DLC1: variants seen among roughly 807,000 people sequenced by gnomAD.
DLC1 encodes the protein rho GTPase-activating protein 7.
DLC1 carries 54 observed loss-of-function variants against 140.3 expected under a neutral mutation model. That is an observed-to-expected ratio of 0.38 (90% CI 0.31 to 0.48). The LOEUF (loss-of-function observed/expected upper bound fraction) is 0.48. Among genes scored for constraint, DLC1 ranks in the 20% least tolerant of loss-of-function variants. The probability of loss-of-function intolerance (pLI) is 0.96; values close to 1 mark genes in which losing one functional copy is unlikely to be tolerated. For synonymous variants in DLC1, 986 were observed against 728.1 expected, an observed-to-expected ratio of 1.35 and a Z score of -5.70; for missense variants, 2,536 against 1,907.0, an observed-to-expected ratio of 1.33 and a Z score of -6.14.
At chr8:13,427,947 T>C (rs535722507) in intron 2 of DLC1, among the ~76,000 whole-genome samples, 20 of 152,214 alleles carry the variant, frequency 1.3e-4, no homozygotes, top group Non-Finnish European at 2.4e-4. Flanking sequence ...CTCTGACTGC[T>C]TGACCATCTG....
rs578249735 is a variant in DLC1, at chr8:13,353,970, G to C, written c.1314+39583C>G. Among the ~76,000 whole-genome samples, 12 of 152,052 alleles carry C rather than the reference G, an allele frequency of 7.9e-5. No homozygotes were observed. In the East Asian group the frequency reaches 2.3e-3, roughly 29 times the overall value. On this transcript the variant is annotated intron_variant, in intron 4 of 17. Transcript: ENST00000276297. ...GGTTGAAAGTGAAAGAGGCTGATGG[G>C]TTCCTTCTGTGGGTCCACTGACTTT...
chr8:13,287,372 C>A (rs892687954), intron 5 of DLC1, among the ~76,000 whole-genome samples: 1 of 152,056 alleles, frequency 6.6e-6, no homozygotes, highest in African/African-American at 2.4e-5. Context: ...ATTTTGTTTT[C>A]TTTTCCAATT....
chr8:13,553,216 ATATATATATATG>A (rs1169414792), intron 1 of DLC1, among the ~76,000 whole-genome samples: 1,306 of 67,672 alleles, frequency 0.019, 47 homozygotes, highest in East Asian at 0.037. Context: ...ATATATATAT[ATATATATATATG>A]TATATATATA....
chr8:13,443,652 C>T (rs559969365), intron 2 of DLC1, among the ~76,000 whole-genome samples: 79 of 125,522 alleles, frequency 6.3e-4, no homozygotes, highest in African/African-American at 2.2e-3. Context: ...AGCGAGACTC[C>T]GTCTCAAAAA....
intron 1 of DLC1, among the ~76,000 whole-genome samples, chr8:13,538,689 G>A (rs1803382537): frequency 2.0e-5 from 3 of 152,102 alleles, no homozygotes; most frequent in Admixed American, 2.0e-4. Flanking sequence ...TTTTACAGAT[G>A]GAGAAACAGA....
chr8:13,311,856 A>C (rs941879023), intron 4 of DLC1, among the ~76,000 whole-genome samples: 1 of 152,078 alleles, frequency 6.6e-6, no homozygotes, highest in Non-Finnish European at 1.5e-5. Flanking sequence ...TGACCTTGAA[A>C]ATTTTTTCTT....
At chr8:13,191,934 T>G (rs1012074048) in intron 5 of DLC1, among the ~76,000 whole-genome samples, 1 of 148,096 alleles carries the variant, frequency 6.8e-6, no homozygotes, top group Non-Finnish European at 1.5e-5. Context: ...CTGATTATTA[T>G]TATTATTATT....
chr8:13,435,281 C>G (rs1244527816), intron 2 of DLC1, among the ~76,000 whole-genome samples: 3 of 152,134 alleles, frequency 2.0e-5, no homozygotes, highest in African/African-American at 7.2e-5. Flanking sequence ...TGGCTGCAAT[C>G]TCATGATAAA....
chr8:13,102,663 C>A, intron 8 of DLC1, 127 bp downstream of exon 8: 1 of 823,618 alleles, frequency 1.2e-6, no homozygotes, highest in Admixed American at 2.0e-5. Context: ...CGATATCATT[C>A]AAGATGTAGA....
chr8:13,474,941 A>G (rs1311104530), intron 2 of DLC1, among the ~76,000 whole-genome samples: 2 of 152,124 alleles, frequency 1.3e-5, no homozygotes, highest in Non-Finnish European at 2.9e-5. Flanking sequence ...AGGACTGTGG[A>G]CTTTTCAGTT....
chr8:13,159,119 C>T (rs1824493105), intron 5 of DLC1, among the ~76,000 whole-genome samples: 1 of 152,132 alleles, frequency 6.6e-6, no homozygotes, highest in Non-Finnish European at 1.5e-5. Context: ...GTTTTGTTAT[C>T]TACCCACGTG....
In DLC1 at chr8:13,092,845, T is replaced by C. The variant is rs1461829228; in HGVS notation, c.3527-20A>G. The stretch of plus-strand genomic sequence containing the variant: ...GCACATCTGCACGACACCAGCACTT[T>C]CTCCATCAGCTTGGTGAATTTGCAT... On this transcript the variant is annotated intron_variant, in intron 12 of 17. Transcript: ENST00000276297. 5 of 1,604,176 alleles carry C rather than the reference T, an allele frequency of 3.1e-6. No homozygotes were observed. The highest frequency in any genetic ancestry group is 1.7e-5 in the Admixed American group (1 of 59,522).
chr8:13,134,492 A>C (rs1479905967), intron 5 of DLC1, among the ~76,000 whole-genome samples: 1 of 152,252 alleles, frequency 6.6e-6, no homozygotes, highest in Non-Finnish European at 1.5e-5. Flanking sequence ...AGATACATAA[A>C]GCAGGGAGGT....
chr8:13,487,982 T>G (rs1801047698), intron 2 of DLC1, among the ~76,000 whole-genome samples: 1 of 152,220 alleles, frequency 6.6e-6, no homozygotes, highest in Admixed American at 6.5e-5. Context: ...AAAATACCTT[T>G]GGGGACCTCT....
chr8:13,140,936 C>A (rs372931975), intron 5 of DLC1, among the ~76,000 whole-genome samples: 11 of 152,056 alleles, frequency 7.2e-5, no homozygotes, highest in African/African-American at 2.2e-4. Flanking sequence ...CATATAGATG[C>A]CTTGCTTAGA....
chr8:13,239,305 A>G (rs1468720678), intron 5 of DLC1, among the ~76,000 whole-genome samples: 1 of 151,976 alleles, frequency 6.6e-6, no homozygotes, highest in Non-Finnish European at 1.5e-5. Context: ...CAAATAATCC[A>G]GTACTGGGAT....
intron 1 of DLC1, among the ~76,000 whole-genome samples, chr8:13,526,329 G>C (rs1802920287): frequency 6.6e-6 from 1 of 152,048 alleles, no homozygotes; most frequent in Non-Finnish European, 1.5e-5. Context: ...TTAAGAATCA[G>C]CTTGTCCATT....
At chr8:13,090,136 G>A in intron 15 of DLC1, 116 bp downstream of exon 15, 1 of 948,966 alleles carries the variant, frequency 1.1e-6, no homozygotes, top group Non-Finnish European at 1.6e-6. Context: ...AGCTCTACAA[G>A]GGAGGTTGTG....
chr8:13,559,010 A>G (rs536754421), intron 1 of DLC1: 1 of 152,356 alleles, frequency 6.6e-6, no homozygotes, highest in Non-Finnish European at 1.5e-5. Flanking sequence ...AGACCTACAC[A>G]TATTAGTAAA....
Sources: gnomAD v4.1 joint callset for allele counts (sites outside exome capture counted in the v4.1 genomes callset) on GRCh38, gnomAD v4.1.1 for gene constraint, MANE v1.5 for transcripts, NCBI Gene and HGNC (gene_info 2026-07-23, HGNC 2026-07-21) for gene names.